PTPRG: variants seen among roughly 807,000 people sequenced by gnomAD.
PTPRG encodes receptor-type tyrosine-protein phosphatase gamma.
In PTPRG, 102 loss-of-function variants were observed where a neutral mutation model predicts 165.3. That is an observed-to-expected ratio of 0.62 (90% confidence interval 0.53 to 0.73). The LOEUF is 0.73. Ranked by LOEUF, PTPRG falls within the 30% of genes least tolerant of loss-of-function variation. The probability of loss-of-function intolerance (pLI) is 0.00; values close to 1 mark genes in which losing one functional copy is unlikely to be tolerated. For missense variants in PTPRG, 1,866 were observed against 1,861.4 expected (o/e 1.00, Z -0.05); for synonymous variants, 675 against 669.5 (o/e 1.01, Z -0.13).
intron 2 of PTPRG, among the ~76,000 whole-genome samples, chr3:61,807,898 T>TCTG (rs1449960042): frequency 2.0e-5 from 3 of 152,202 alleles, no homozygotes; most frequent in Non-Finnish European, 4.4e-5. Context: ...TTTTTGATCT[T>TCTG]CTGCAGAGCT....
intron 5 of PTPRG, among the ~76,000 whole-genome samples, chr3:62,122,474 C>G (rs1293726023): frequency 2.0e-5 from 3 of 152,124 alleles, no homozygotes; most frequent in African/African-American, 4.8e-5. Flanking sequence ...AAACTACCCC[C>G]TCTTAAAAGA....
chr3:62,051,831 G>A (rs141418683), intron 4 of PTPRG, among the ~76,000 whole-genome samples: 2 of 152,252 alleles, frequency 1.3e-5, no homozygotes, highest in East Asian at 3.9e-4. Flanking sequence ...TTATTTGGCA[G>A]GTATTCAATG....
At chr3:61,837,268 G>A (rs187038819) in intron 2 of PTPRG, among the ~76,000 whole-genome samples, 12 of 152,096 alleles carry the variant, frequency 7.9e-5, no homozygotes, top group East Asian at 3.9e-4. Flanking sequence ...GGCTGGTCTC[G>A]AACTCCTGAC....
In PTPRG at chr3:61,676,471, A is replaced by AAAAAAAAAAAAAAAAAG. The variant is rs369505317; in HGVS notation, c.86-72404_86-72403insAAAAAAAAAAAAAGAAA. Among the ~76,000 whole-genome samples, 153 of 99,028 alleles carry AAAAAAAAAAAAAAAAAG rather than the reference A, an allele frequency of 1.5e-3. 10 individuals are homozygous for AAAAAAAAAAAAAAAAAG. Among genetic ancestry groups the AAAAAAAAAAAAAAAAAG allele is most frequent in the East Asian group, 5.9e-3 (16 of 2,700 alleles). The allele number at this position is 99,028 out of a possible 152,430, so 65.0% of individuals were successfully genotyped here. On this transcript the variant is annotated intron_variant, in intron 1 of 29. Transcript: ENST00000474889. ...GACTCCATCTCAAAAAAAAAAAAAA[A>AAAAAAAAAAAAAAAAAG]AAAGAAAATTACTAAAGTCTGTGAA... is the stretch of plus-strand genomic sequence containing the variant.
intron 2 of PTPRG, among the ~76,000 whole-genome samples, chr3:61,874,719 C>T (rs1034468261): frequency 2.0e-5 from 3 of 151,990 alleles, no homozygotes; most frequent in East Asian, 1.9e-4. Context: ...AGTCCAGGGA[C>T]GCCATAAACA....
intron 1 of PTPRG, among the ~76,000 whole-genome samples, chr3:61,600,377 T>C (rs1700830154): frequency 6.6e-6 from 1 of 152,068 alleles, no homozygotes; most frequent in Admixed American, 6.6e-5. Flanking sequence ...AATGTTGACA[T>C]TACACAAAAC....
At chr3:61,826,520 TAA>T (rs35348448) in intron 2 of PTPRG, among the ~76,000 whole-genome samples, 30 of 147,366 alleles carry the variant, frequency 2.0e-4, no homozygotes, top group East Asian at 8.0e-4. Context: ...TTCCAGAACT[TAA>T]AAAAAAAAAA....
At chr3:62,156,916 C>T (rs1285081674) in intron 6 of PTPRG, 151 bp from the exon 7 acceptor site, 5 of 705,374 alleles carry the variant, frequency 7.1e-6, no homozygotes, top group East Asian at 5.2e-5. Context: ...TACTGAGGCT[C>T]TCCCACCACC....
In PTPRG at chr3:61,867,919, A is replaced by C. The variant is rs981114123; in HGVS notation, c.190+118937A>C. Among the ~76,000 whole-genome samples, 6 of 152,278 alleles carry C rather than the reference A, an allele frequency of 3.9e-5. No individual in the cohort carries two copies. The South Asian group carries it at 8.3e-4, about 21-fold the overall frequency. ...TTGGGTGCAGTGGTCTTTCTTCCAC[A>C]GGGAGTCTGAGACCTTGGTCTGCTT... is the stretch of plus-strand genomic sequence containing the variant. On this transcript the variant is annotated intron_variant, in intron 2 of 29. Transcript: ENST00000474889.
intron 7 of PTPRG, among the ~76,000 whole-genome samples, chr3:62,161,952 G>A (rs923388889): frequency 4.6e-5 from 7 of 152,108 alleles, no homozygotes; most frequent in Non-Finnish European, 1.0e-4. Context: ...TAGTATCCTT[G>A]GGTTCCTTGC....
At chr3:61,949,253 TA>T (rs2107620287) in intron 2 of PTPRG, among the ~76,000 whole-genome samples, 1 of 152,296 alleles carries the variant, frequency 6.6e-6, no homozygotes, top group African/African-American at 2.4e-5. Context: ...AAAATGGATT[TA>T]AATGAACAGA....
intron 2 of PTPRG, among the ~76,000 whole-genome samples, chr3:61,969,181 A>G (rs1465883317): frequency 6.6e-6 from 1 of 152,188 alleles, no homozygotes; most frequent in Non-Finnish European, 1.5e-5. Context: ...TTCATTAATG[A>G]TAGTTAGCAA....
chr3:61,577,089 A>G (rs1454093929), intron 1 of PTPRG, among the ~76,000 whole-genome samples: 1 of 152,220 alleles, frequency 6.6e-6, no homozygotes, highest in African/African-American at 2.4e-5. Flanking sequence ...CTGACAGAGT[A>G]TCTTATGTTT....
chr3:62,248,700 A>G (rs1701345539), intron 15 of PTPRG, among the ~76,000 whole-genome samples: 1 of 152,260 alleles, frequency 6.6e-6, no homozygotes. Context: ...TATAGAGCAT[A>G]TTGAAAGAGC....
rs1320407871 is a variant in PTPRG, at chr3:62,255,993, G to T, written c.2559+778G>T. 6.6e-6 allele frequency among the ~76,000 whole-genome samples: 1 copy of T among 152,116 alleles called. No individual in the cohort carries two copies. Among genetic ancestry groups the T allele is most frequent in the Non-Finnish European group, 1.5e-5 (1 of 68,022 alleles). Reference sequence around the variant, plus strand: ...ACAGACTGCCCTTTTCTTCACTGAGGCGCTTAACTAAGGCACATCTCTGGC... The same window carrying T: ...ACAGACTGCCCTTTTCTTCACTGAGTCGCTTAACTAAGGCACATCTCTGGC... On this transcript the variant is annotated intron_variant, in intron 16 of 29. Coordinates refer to ENST00000474889, the MANE Select transcript of PTPRG (RefSeq NM_002841.4). The surrounding 1 kb of genome is among the most constrained non-coding windows in gnomAD (Gnocchi z 4.0).
chr3:61,764,685 G>A (rs574542534), intron 2 of PTPRG, among the ~76,000 whole-genome samples: 1 of 152,278 alleles, frequency 6.6e-6, no homozygotes, highest in South Asian at 2.1e-4. Flanking sequence ...GGAGATAATA[G>A]CACTTGGAAA....
chr3:62,285,451 A>C (rs1702607979), intron 28 of PTPRG, among the ~76,000 whole-genome samples: 1 of 130,504 alleles, frequency 7.7e-6, no homozygotes, highest in Admixed American at 9.4e-5. Flanking sequence ...TTTAGTGTGC[A>C]AATGTTGTGA....
chr3:61,856,966 C>A (rs942231327), intron 2 of PTPRG, among the ~76,000 whole-genome samples: 1 of 152,138 alleles, frequency 6.6e-6, no homozygotes, highest in Non-Finnish European at 1.5e-5. Context: ...TTCAAGTCTT[C>A]TACTGCATTT....
At chr3:62,269,847 C>T (rs1045927395) in intron 20 of PTPRG, among the ~76,000 whole-genome samples, 22 of 152,022 alleles carry the variant, frequency 1.4e-4, no homozygotes, top group African/African-American at 4.6e-4. Flanking sequence ...TGTTTCAAGA[C>T]CCCCGGTGGA....
Sources: gnomAD v4.1 joint callset for allele counts (sites outside exome capture counted in the v4.1 genomes callset) on GRCh38, gnomAD v4.1.1 for gene constraint, Gnocchi (gnomAD v3.1) non-coding constraint, MANE v1.5 for transcripts, NCBI Gene and HGNC (gene_info 2026-07-23, HGNC 2026-07-21) for gene names.